SLIT2: variants seen among roughly 807,000 people sequenced by gnomAD.
The protein encoded by SLIT2 is slit homolog 2 protein.
Under a neutral mutation model 185.7 loss-of-function variants are expected in SLIT2, and 41 were observed. That is an observed-to-expected ratio of 0.22 (90% CI 0.17 to 0.29). The LOEUF (loss-of-function observed/expected upper bound fraction) is 0.29, where lower values mean the gene tolerates loss of function less well. Among genes scored for constraint, SLIT2 ranks in the 10% least tolerant of loss-of-function variants. The probability of loss-of-function intolerance (pLI) is 1.00; values close to 1 mark genes in which losing one functional copy is unlikely to be tolerated. For missense variants in SLIT2, 1,571 were observed against 1,909.0 expected, an observed-to-expected ratio of 0.82 and a Z score of 3.30; for synonymous variants, 693 against 680.2, an observed-to-expected ratio of 1.02 and a Z score of -0.29.
intron 34 of SLIT2, among the ~76,000 whole-genome samples, chr4:20,614,205 G>A (rs565743893): frequency 1.3e-5 from 2 of 152,084 alleles, no homozygotes; most frequent in Admixed American, 6.6e-5. Flanking sequence ...ATGTTTTTCT[G>A]TCTGTAGTCC....
At chr4:20,372,379 TACA>T (rs1723660107) in intron 4 of SLIT2, among the ~76,000 whole-genome samples, 1 of 151,956 alleles carries the variant, frequency 6.6e-6, no homozygotes, top group Non-Finnish European at 1.5e-5. Flanking sequence ...CCTTAAATTT[TACA>T]AAAAACTAAA....
chr4:20,524,148 A>T lies in SLIT2; in HGVS notation c.1409A>T (p.Gln470Leu). Reference protein sequence around the residue: ...PRRLANKRIGQIKSKKFRCSA... With the variant: ...PRRLANKRIGLIKSKKFRCSA... ...CGCCTGGCAAACAAAAGAATTGGAC[A>T]GATCAAAAGCAAGAAATTCCGTTGT... Residue 470 changes from glutamine (Q) to leucine (L), a missense_variant, in exon 14 of 37, where the codon CAG (glutamine) becomes CTG (leucine). Transcript: ENST00000504154. The T allele has an allele frequency of 6.2e-7, 1 of 1,614,092 alleles. No individual in the cohort carries two copies. The highest frequency in any genetic ancestry group is 8.5e-7 in the Non-Finnish European group (1 of 1,179,972).
At chr4:20,262,674 G>T (rs1396038201) in intron 3 of SLIT2, among the ~76,000 whole-genome samples, 1 of 151,872 alleles carries the variant, frequency 6.6e-6, no homozygotes, top group East Asian at 1.9e-4. Flanking sequence ...GGCTGAGTAT[G>T]CACATAGCAT....
intron 9 of SLIT2, among the ~76,000 whole-genome samples, chr4:20,496,322 G>A (rs1303010200): frequency 1.3e-5 from 2 of 152,228 alleles, no homozygotes; most frequent in East Asian, 1.9e-4. Context: ...GTCAGAATTA[G>A]AATAATTTGG....
At chr4:20,551,435 T>C (rs1723745963) in intron 25 of SLIT2, among the ~76,000 whole-genome samples, 1 of 152,350 alleles carries the variant, frequency 6.6e-6, no homozygotes, top group South Asian at 2.1e-4. Context: ...ATGTTTTCTC[T>C]GATCACAACT....
Position 20,593,826 on chromosome 4 carries a change from G to A in SLIT2, c.3183-1871G>A, listed in dbSNP as rs373812449. Among the ~76,000 whole-genome samples, 87 of 151,952 alleles carry A rather than the reference G, an allele frequency of 5.7e-4. No individual in the cohort carries two copies. The Middle Eastern group carries it at 0.01, about 18-fold the overall frequency. ...ATAACATACAATTAAGAATGAAGCCGGGGTACAAACACAGTTCTGTAAAAC... is the reference window on the plus strand; with the variant it reads ...ATAACATACAATTAAGAATGAAGCCAGGGTACAAACACAGTTCTGTAAAAC... On this transcript the variant is annotated intron_variant, in intron 30 of 36. Transcript: ENST00000504154.
In SLIT2 at chr4:20,523,862, C is replaced by T. The variant is rs145340436; in HGVS notation, c.1233C>T (p.Ile411=). Residue 411 remains isoleucine, a synonymous_variant, in exon 13 of 37, where the codon ATC becomes ATT. Transcript: ENST00000504154. ...TATATGACAACAAGCTTCAGACCAT[C>T]GCCAAGGGGACCTTTTCACCTCTTC... ...LSLYDNKLQT[I]AKGTFSPLRA... is the part of the protein sequence containing the mutation. The T allele has an allele frequency of 4.0e-5, 64 of 1,613,968 alleles. No homozygotes were observed. The highest frequency in any genetic ancestry group is 1.9e-4 in the South Asian group (17 of 91,076).
intron 4 of SLIT2, among the ~76,000 whole-genome samples, chr4:20,315,877 C>G (rs1718531130): frequency 6.6e-6 from 1 of 151,984 alleles, no homozygotes; most frequent in Non-Finnish European, 1.5e-5. Flanking sequence ...ATTGTGTATT[C>G]TATGTACTTA....
intron 4 of SLIT2, among the ~76,000 whole-genome samples, chr4:20,450,289 A>G (rs140025826): frequency 3.1e-4 from 47 of 152,284 alleles, no homozygotes; most frequent in African/African-American, 1.1e-3. Flanking sequence ...TCCTATTCCA[A>G]CTGCCTTAGC....
intron 4 of SLIT2, among the ~76,000 whole-genome samples, chr4:20,318,747 A>G (rs1341639050): frequency 6.6e-6 from 1 of 152,132 alleles, no homozygotes; most frequent in East Asian, 1.9e-4. Flanking sequence ...TTTGCTCAGT[A>G]ACTTGACATG....
chr4:20,308,577 G>C (rs144017553), intron 4 of SLIT2, among the ~76,000 whole-genome samples: 8 of 152,128 alleles, frequency 5.3e-5, no homozygotes, highest in African/African-American at 1.7e-4. Context: ...GTTGCTTTGA[G>C]TATCAGTCAC....
chr4:20,561,608 C>G (rs1400944704), intron 26 of SLIT2, among the ~76,000 whole-genome samples: 1 of 151,542 alleles, frequency 6.6e-6, no homozygotes, highest in Non-Finnish European at 1.5e-5. Flanking sequence ...AATAATTATT[C>G]AAAACTGATC....
chr4:20,412,387 T>A (rs1180220451), intron 4 of SLIT2, among the ~76,000 whole-genome samples: 3 of 152,198 alleles, frequency 2.0e-5, no homozygotes, highest in Non-Finnish European at 4.4e-5. Context: ...TGTAAATTAA[T>A]CATCTTATAA....
chr4:20,536,325 G>A (rs1350496130), intron 18 of SLIT2, among the ~76,000 whole-genome samples: 2 of 152,054 alleles, frequency 1.3e-5, no homozygotes, highest in African/African-American at 4.8e-5. Context: ...GGAGGCCAAG[G>A]CGGGTGGATT....
chr4:20,332,106 G>C (rs1262773370), intron 4 of SLIT2, among the ~76,000 whole-genome samples: 1 of 152,106 alleles, frequency 6.6e-6, no homozygotes, highest in African/African-American at 2.4e-5. Flanking sequence ...CTTTTGTGTA[G>C]AAGCAATTGT....
chr4:20,336,721 A>G (rs1343508714), intron 4 of SLIT2, among the ~76,000 whole-genome samples: 1 of 152,206 alleles, frequency 6.6e-6, no homozygotes, highest in Non-Finnish European at 1.5e-5. Flanking sequence ...GAAGACACAG[A>G]GTATACAGTG....
At chr4:20,291,879 A>G (rs1267020851) in intron 4 of SLIT2, among the ~76,000 whole-genome samples, 1 of 150,334 alleles carries the variant, frequency 6.7e-6, no homozygotes, top group Non-Finnish European at 1.5e-5. Context: ...TTAGGGTAGA[A>G]ACATCCTAGA....
intron 29 of SLIT2, among the ~76,000 whole-genome samples, chr4:20,583,835 T>A (rs1394437796): frequency 1.3e-5 from 2 of 151,230 alleles, no homozygotes; most frequent in East Asian, 3.9e-4. Flanking sequence ...ATAATAAAAA[T>A]AAAATAAAAA....
chr4:20,400,206 ATGGTTATTC>A (rs1161289003), intron 4 of SLIT2, among the ~76,000 whole-genome samples: 2 of 151,746 alleles, frequency 1.3e-5, no homozygotes, highest in African/African-American at 2.4e-5. Context: ...TCTTATTATG[ATGGTTATTC>A]TGACTGATAT....
Sources: allele counts gnomAD v4.1 joint callset (sites outside exome capture counted in the v4.1 genomes callset), GRCh38; gene constraint gnomAD v4.1.1; transcripts MANE v1.5; gene names NCBI Gene and HGNC (gene_info 2026-07-23, HGNC 2026-07-21).